The following DOK4 variants were observed in gnomAD, a reference collection of about 807,000 sequenced individuals.
The protein encoded by DOK4 is downstream of tyrosine kinase 4.
Under a neutral mutation model 40.1 loss-of-function variants are expected in DOK4, and 26 were observed. That is an observed-to-expected ratio of 0.65 (90% CI 0.48 to 0.90). The LOEUF is 0.90. DOK4 is among the 40% of genes least tolerant of loss of function. The pLI is 0.00. For missense variants in DOK4, 392 were observed against 437.2 expected, an observed-to-expected ratio of 0.90 and a Z score of 0.92; for synonymous variants, 179 against 177.0, an observed-to-expected ratio of 1.01 and a Z score of -0.09.
chr16:57,478,364 C>T (rs1598053568), intron 2 of DOK4, among the ~76,000 whole-genome samples: 1 of 59,362 alleles, frequency 1.7e-5, no homozygotes, highest in Non-Finnish European at 3.2e-5. Context: ...ACTCCGCATG[C>T]CCCCCAACCC....
chr16:57,473,531 A>G (rs764379801), intron 8 of DOK4, 36 bp from the exon 9 acceptor site: 210 of 1,614,092 alleles, frequency 1.3e-4, no homozygotes, highest in Non-Finnish European at 1.2e-4. Flanking sequence ...ACTCAGAGCT[A>G]GGTCAAAAGA....
intron 1 of DOK4, among the ~76,000 whole-genome samples, chr16:57,482,647 G>A (rs547988886): frequency 6.6e-6 from 1 of 152,042 alleles, no homozygotes; most frequent in Non-Finnish European, 1.5e-5. Flanking sequence ...GATTACAGGC[G>A]TGAGCCACTG....
intron 6 of DOK4, 94 bp from the exon 7 acceptor site, chr16:57,474,133 C>T: frequency 6.4e-7 from 1 of 1,551,928 alleles, no homozygotes; most frequent in East Asian, 2.3e-5. Flanking sequence ...GTTGTGGTTG[C>T]ATTCCAGGCC....
chr16:57,483,531 G>A (rs991699883), intron 1 of DOK4, among the ~76,000 whole-genome samples: 7 of 152,140 alleles, frequency 4.6e-5, no homozygotes, highest in Non-Finnish European at 7.4e-5. Context: ...TGGGGAGGCC[G>A]AGGTGGGAGG....
chr16:57,476,180 A>G (rs2031175171), intron 2 of DOK4: 3 of 556,572 alleles, frequency 5.4e-6, no homozygotes, highest in Non-Finnish European at 6.5e-6. Context: ...GCTGGCTCCA[A>G]AACGCTGTTC....
At chr16:57,474,874 C>T (rs772225692) in exon 6 of DOK4, 20 of 1,614,020 alleles carry the variant, frequency 1.2e-5, no homozygotes, top group African/African-American at 8.0e-5. Flanking sequence ...GAGCTTCACA[C>T]GGGGGTTGTG....
At chr16:57,477,676 G>C (rs8061976) in intron 2 of DOK4, among the ~76,000 whole-genome samples, 3,439 of 152,270 alleles carry the variant, frequency 0.023, 121 homozygotes, top group African/African-American at 0.078. Context: ...ACAGGGCTTT[G>C]ATCAGTGCTT....
chr16:57,474,688 A>T, intron 6 of DOK4, 105 bp downstream of exon 6: 2 of 1,384,512 alleles, frequency 1.4e-6, no homozygotes, highest in Non-Finnish European at 2.0e-6. Context: ...TGGGATTGCT[A>T]GGCCAATAAG....
At chr16:57,474,939 C>A in exon 6 of DOK4, 1 of 1,613,668 alleles carries the variant, frequency 6.2e-7, no homozygotes, top group Non-Finnish European at 8.5e-7. Context: ...ACTCGCCATA[C>A]ACGTCCAGGT....
At chr16:57,474,366 T>C (rs1213790789) in intron 6 of DOK4, among the ~76,000 whole-genome samples, 2 of 152,174 alleles carry the variant, frequency 1.3e-5, no homozygotes, top group African/African-American at 4.8e-5. Flanking sequence ...AGAAGCTAAG[T>C]AACTCAACCA....
upstream of DOK4, among the ~76,000 whole-genome samples, chr16:57,486,711 A>C (rs2031554494): frequency 6.6e-6 from 1 of 150,928 alleles, no homozygotes. Flanking sequence ...TCAGCCCCTG[A>C]AAGCTGAACT....
At chr16:57,483,752 A>C (rs2031475184) in intron 1 of DOK4, among the ~76,000 whole-genome samples, 1 of 152,180 alleles carries the variant, frequency 6.6e-6, no homozygotes, top group African/African-American at 2.4e-5. Flanking sequence ...TGTCCCCAAC[A>C]GGCCTGCAGC....
exon 6 of DOK4, chr16:57,474,910 T>A (rs1177178466): frequency 1.2e-6 from 2 of 1,614,050 alleles, no homozygotes; most frequent in Non-Finnish European, 1.7e-6. Context: ...GATGTTCTCG[T>A]GGGTGATCTG....
chr16:57,482,115 C>T (rs1397999895), intron 1 of DOK4, among the ~76,000 whole-genome samples: 5 of 151,988 alleles, frequency 3.3e-5, no homozygotes, highest in African/African-American at 1.2e-4. Context: ...CCGCCCGCCT[C>T]GGCCTCCCAA....
upstream of DOK4, chr16:57,487,225 C>T (rs763410786): frequency 1.3e-5 from 2 of 152,408 alleles, no homozygotes; most frequent in Admixed American, 6.5e-5. Context: ...GCTGTCCCCC[C>T]TCTGGTTTTC....
chr16:57,473,778 A>G (rs919766118), intron 7 of DOK4, 42 bp from the exon 8 acceptor site: 1 of 1,590,706 alleles, frequency 6.3e-7, no homozygotes, highest in South Asian at 1.2e-5. Flanking sequence ...AGTGGCTTAC[A>G]GTATCCCTGA....
chr16:57,483,668 T>C (rs1598057996), intron 1 of DOK4, among the ~76,000 whole-genome samples: 3 of 151,886 alleles, frequency 2.0e-5, no homozygotes, highest in Admixed American at 2.0e-4. Context: ...ATACAAAAAT[T>C]GGAGGGCAGC....
At chr16:57,486,777 TACACACCCATAC>T (rs1171123093), upstream of DOK4, among the ~76,000 whole-genome samples, 1 of 149,598 alleles carries the variant, frequency 6.7e-6, no homozygotes. Flanking sequence ...AGGAATCACA[TACACACCCATAC>T]GCCACATCAG....
rs763882117 is a variant in DOK4, at chr16:57,475,966, C to T, written c.67-9G>A. 7 of 1,609,972 alleles carry T rather than the reference C, an allele frequency of 4.3e-6. No individual in the cohort carries two copies. The highest frequency in any genetic ancestry group is 2.7e-5 in the African/African-American group (2 of 74,758). ...CAGCACCTCCGGTAGATCTGTGGAG[C>T]GAGATGACAGGGCTCAGGCCTCCCT... On this transcript the variant is annotated splice_polypyrimidine_tract_variant and intron_variant, in intron 2 of 8. Transcript: ENST00000340099.
Sources: gnomAD v4.1 joint callset for allele counts (sites outside exome capture counted in the v4.1 genomes callset) on GRCh38, gnomAD v4.1.1 for gene constraint, MANE v1.5 for transcripts, NCBI Gene and HGNC (gene_info 2026-07-23, HGNC 2026-07-21) for gene names.